DET1: variants seen among roughly 807,000 people sequenced by gnomAD.
DET1 encodes DET1 partner of COP1 E3 ubiquitin ligase.
In DET1, 22 loss-of-function variants were observed where a neutral mutation model predicts 43.7. The ratio of observed to expected loss-of-function variants is 0.50; its 90% CI spans 0.36 to 0.72. The LOEUF is 0.72. Among genes scored for constraint, DET1 ranks in the 30% least tolerant of loss-of-function variants. The probability of loss-of-function intolerance (pLI) is 0.00; values close to 1 mark genes in which losing one functional copy is unlikely to be tolerated. For missense variants in DET1, 713 were observed against 713.3 expected (o/e 1.00, Z 0.00); for synonymous variants, 315 against 266.2 (o/e 1.18, Z -1.79).
chr15:88,531,549 C>T lies in DET1; in HGVS notation c.157G>A (p.Val53Ile), dbSNP rs1361311445. ...HQNVFPNFTV[V>I]NVEKPPCFLR... ...AAACAAGGAGGCTTTTCAACGTTGACAACTGTGAAGTTGGGGAAGACATTC... is the reference window on the plus strand; with the variant it reads ...AAACAAGGAGGCTTTTCAACGTTGATAACTGTGAAGTTGGGGAAGACATTC... The change falls in exon 2 of 5, where the codon GTC (valine) becomes ATC (isoleucine). Residue 53 changes from valine to isoleucine, a missense_variant. Val to Ile is a conservative substitution (Grantham distance 29). Transcript: ENST00000268148. The surrounding 1 kb of genome is among the most constrained non-coding windows in gnomAD (Gnocchi z 6.2). The T allele has an allele frequency of 6.2e-7, 1 of 1,614,024 alleles. No homozygotes were observed. Among genetic ancestry groups the T allele is most frequent in the Admixed American group, 1.7e-5 (1 of 60,020 alleles).
At chr15:88,532,119 T>C (rs2056831538) in intron 1 of DET1, among the ~76,000 whole-genome samples, 2 of 152,132 alleles carry the variant, frequency 1.3e-5, no homozygotes, top group African/African-American at 2.4e-5. Flanking sequence ...CTGGAAAACA[T>C]GGCAAAACCC....
rs188778638 is a variant in DET1, at chr15:88,527,769, C to T, written c.1101G>A (p.Val367=). 27 of 1,601,774 alleles carry T rather than the reference C, an allele frequency of 1.7e-5. No homozygotes were observed. The East Asian group carries it at 5.4e-4, about 32-fold the overall frequency. The change falls in exon 3 of 5, where the codon GTG becomes GTA. Residue 367 remains valine (V), a synonymous_variant. Coordinates refer to ENST00000268148, the MANE Select transcript of DET1 (RefSeq NM_001144074.3). ...TCACCTCTGTCGTCACCATATTGTACACCACAAAGAAAGATGCCTGCAGAA... is the reference window on the plus strand; with the variant it reads ...TCACCTCTGTCGTCACCATATTGTATACCACAAAGAAAGATGCCTGCAGAA... ...TDPSQASFFV[V]YNMVTTEVIA...
chr15:88,539,456 A>T (rs935927351), intron 1 of DET1, among the ~76,000 whole-genome samples: 2 of 151,608 alleles, frequency 1.3e-5, no homozygotes, highest in African/African-American at 4.8e-5. Context: ...TCTAAAAAAA[A>T]AAAAAAAAAA....
intron 1 of DET1, among the ~76,000 whole-genome samples, chr15:88,538,679 G>A (rs1238352411): frequency 6.6e-6 from 1 of 152,176 alleles, no homozygotes; most frequent in Non-Finnish European, 1.5e-5. Flanking sequence ...GCCACTGGGT[G>A]AGAGTTGGTC....
chr15:88,527,771 C>T lies in DET1; in HGVS notation c.1099G>A (p.Val367Met), dbSNP rs370817512. 6.3e-7 allele frequency: 1 copy of T among 1,593,908 alleles called. No homozygotes were observed. The highest frequency in any genetic ancestry group is 8.6e-7 in the Non-Finnish European group (1 of 1,168,766). ...TDPSQASFFV[V>M]YNMVTTEVIA... The stretch of plus-strand genomic sequence containing the variant: ...ACCTCTGTCGTCACCATATTGTACA[C>T]CACAAAGAAAGATGCCTGCAGAAGA... The change falls in exon 3 of 5, where the codon GTG (valine) becomes ATG (methionine). Residue 367 changes from valine (V) to methionine (M), a missense_variant. By Grantham distance (21) the Val-to-Met change is conservative (BLOSUM62 1). Transcript: ENST00000268148.
downstream of DET1, among the ~76,000 whole-genome samples, chr15:88,510,635 A>G (rs1334099796): frequency 6.6e-6 from 1 of 152,206 alleles, no homozygotes; most frequent in East Asian, 1.9e-4. Context: ...TAAAGTCCTT[A>G]AGATGGGATT....
chr15:88,537,541 C>T (rs976360567), intron 1 of DET1, among the ~76,000 whole-genome samples: 2 of 152,204 alleles, frequency 1.3e-5, no homozygotes, highest in Non-Finnish European at 1.5e-5. Context: ...CACTGGAACC[C>T]TCCCATACCC....
chr15:88,539,448 T>TAAA (rs34945813), intron 1 of DET1, among the ~76,000 whole-genome samples: 2 of 96,458 alleles, frequency 2.1e-5, no homozygotes, highest in African/African-American at 4.3e-5. Context: ...CTTGTCTGTC[T>TAAA]AAAAAAAAAA....
At chr15:88,534,628 C>T (rs189590462) in intron 1 of DET1, among the ~76,000 whole-genome samples, 148 of 151,816 alleles carry the variant, frequency 9.7e-4, no homozygotes, top group African/African-American at 3.3e-3. Context: ...GGATCTGGTC[C>T]AAATCATACT....
intron 2 of DET1, among the ~76,000 whole-genome samples, chr15:88,528,708 T>C (rs1212087976): frequency 2.0e-5 from 3 of 152,212 alleles, no homozygotes; most frequent in Non-Finnish European, 1.5e-5. Context: ...CTGACAGGAC[T>C]CTAGAAGTTC....
At chr15:88,525,235 C>G (rs921057059) in intron 3 of DET1, among the ~76,000 whole-genome samples, 13 of 151,916 alleles carry the variant, frequency 8.6e-5, no homozygotes, top group African/African-American at 2.9e-4. Flanking sequence ...GTTTAATATC[C>G]ACTGAAAATA....
At chr15:88,532,522 C>T (rs531863658) in intron 1 of DET1, among the ~76,000 whole-genome samples, 15 of 152,204 alleles carry the variant, frequency 9.9e-5, no homozygotes, top group Non-Finnish European at 1.6e-4. Context: ...TGAAAAAGAA[C>T]AAAGAGGATT....
intron 8 of DET1, chr15:88,502,284 T>C (rs1171050377): frequency 6.6e-6 from 1 of 152,232 alleles, no homozygotes; most frequent in Non-Finnish European, 1.5e-5. Context: ...ACTTTTTCAT[T>C]CCGGTTCAGA....
downstream of DET1, among the ~76,000 whole-genome samples, chr15:88,507,709 C>G (rs535749081): frequency 2.0e-5 from 3 of 152,222 alleles, no homozygotes; most frequent in Non-Finnish European, 4.4e-5. Flanking sequence ...TTTCCACTAT[C>G]CAGTGCCCTA....
intron 1 of DET1, among the ~76,000 whole-genome samples, chr15:88,539,126 T>G (rs987668683): frequency 6.6e-6 from 1 of 151,456 alleles, no homozygotes; most frequent in Non-Finnish European, 1.5e-5. Flanking sequence ...TTTCTCTTAT[T>G]CAAGTTTCTT....
rs373820011 is a variant in DET1, at chr15:88,536,149, T to C, written c.-10-4434A>G. 2.1e-4 allele frequency among the ~76,000 whole-genome samples: 32 copies of C among 152,318 alleles called. No individual in the cohort carries two copies. The East Asian group carries it at 5.4e-3, about 26-fold the overall frequency. On this transcript the variant is annotated intron_variant, in intron 1 of 4. Transcript: ENST00000268148. ...TTAGAAAGAAGTGGAACAACATTAT[T>C]TAAGTGCTGAAAGATCTGCCTCTGT...
rs1450611383 is a variant in DET1 at position 88,531,018 on chromosome 15, C to T, written c.688G>A (p.Ala230Thr). Residue 230 changes from alanine (A) to threonine (T), a missense_variant, in exon 2 of 5, where the codon GCC becomes ACC. Physicochemically the swap from Ala to Thr is moderately conservative, Grantham distance 58. Coordinates refer to ENST00000268148, the MANE Select transcript of DET1 (RefSeq NM_001144074.3). The surrounding 1 kb of genome is among the most constrained non-coding windows in gnomAD (Gnocchi z 6.2). ...QGLYLYKNIL[A>T]ILSVQQQTIH... The stretch of plus-strand genomic sequence containing the variant: ...GTCTGTTGTTGCACAGACAAGATGG[C>T]CAGGATGTTTTTGTACAAGTACAGC... 2 of 1,613,262 alleles carry T rather than the reference C, an allele frequency of 1.2e-6. No individual in the cohort carries two copies. The highest frequency in any genetic ancestry group is 8.5e-7 in the Non-Finnish European group (1 of 1,179,514).
At chr15:88,517,073 T>C in intron 3 of DET1, 100 bp from the exon 4 acceptor site, 2 of 854,296 alleles carry the variant, frequency 2.3e-6, no homozygotes, top group Non-Finnish European at 3.5e-6. Context: ...ACTCATTCTT[T>C]AAATACAAAT....
intron 1 of DET1, among the ~76,000 whole-genome samples, chr15:88,532,502 A>T (rs2056841914): frequency 6.6e-6 from 1 of 152,244 alleles, no homozygotes. Flanking sequence ...CCAAATACAC[A>T]AAATAATTTT....
Sources: allele counts gnomAD v4.1 joint callset (sites outside exome capture counted in the v4.1 genomes callset), GRCh38; gene constraint gnomAD v4.1.1; non-coding constraint Gnocchi (gnomAD v3.1); transcripts MANE v1.5; gene names NCBI Gene and HGNC (gene_info 2026-07-23, HGNC 2026-07-21).